Variants in MICU1 observed in about 807,000 individuals in gnomAD.
The protein encoded by MICU1 is calcium uptake protein 1, mitochondrial.
A neutral mutation model predicts 56.8 loss-of-function variants in MICU1; 45 were observed. The observed-to-expected ratio is 0.79, with a 90% CI of 0.62 to 1.02. The LOEUF is 1.02. Among genes scored for constraint, MICU1 ranks in the 50% least tolerant of loss-of-function variants. The pLI is 0.00. For synonymous variants in MICU1, 186 were observed against 195.1 expected, an observed-to-expected ratio of 0.95 and a Z score of 0.39; for missense variants, 504 against 587.1, an observed-to-expected ratio of 0.86 and a Z score of 1.46.
rs554097302 is a variant in MICU1, at chr10:72,438,205, A to G, written c.934-14834T>C. Reference sequence around the variant, plus strand: ...GAAATCACAACAAACTGTCTCTCAGACCACAGTGCAATCAAATTAGAACTC... The same window carrying G: ...GAAATCACAACAAACTGTCTCTCAGGCCACAGTGCAATCAAATTAGAACTC... On this transcript the variant is annotated intron_variant, in intron 8 of 11. Transcript: ENST00000361114. Among the ~76,000 whole-genome samples, 3 of 152,126 alleles carry G rather than the reference A, an allele frequency of 2.0e-5. No individual in the cohort carries two copies. The South Asian group carries it at 6.2e-4, about 31-fold the overall frequency.
intron 9 of MICU1, among the ~76,000 whole-genome samples, chr10:72,415,213 G>A (rs933712226): frequency 6.6e-6 from 1 of 151,870 alleles, no homozygotes; most frequent in Non-Finnish European, 1.5e-5. Context: ...ATGTGCTTTC[G>A]CCATGTTGGC....
At chr10:72,482,949 G>A (rs184059701) in intron 6 of MICU1, among the ~76,000 whole-genome samples, 4 of 151,732 alleles carry the variant, frequency 2.6e-5, no homozygotes, top group African/African-American at 9.7e-5. Context: ...TCCACCTCCC[G>A]TGTTCAAGCG....
intron 5 of MICU1, among the ~76,000 whole-genome samples, chr10:72,524,949 A>T (rs890592246): frequency 6.6e-6 from 1 of 152,184 alleles, no homozygotes; most frequent in African/African-American, 2.4e-5. Context: ...CAAAACAAGG[A>T]TGTCTCATTA....
intron 6 of MICU1, among the ~76,000 whole-genome samples, chr10:72,485,020 C>T (rs773122383): frequency 2.0e-5 from 3 of 152,110 alleles, no homozygotes; most frequent in Non-Finnish European, 4.4e-5. Context: ...GTGACAGAGA[C>T]ATTATCACCC....
intron 10 of MICU1, among the ~76,000 whole-genome samples, chr10:72,387,551 G>A (rs1862930907): frequency 6.6e-6 from 1 of 152,192 alleles, no homozygotes; most frequent in African/African-American, 2.4e-5. Flanking sequence ...ATAGGGGTTA[G>A]ATATTCCTAG....
intron 9 of MICU1, among the ~76,000 whole-genome samples, chr10:72,411,610 T>A (rs911657854): frequency 6.6e-6 from 1 of 152,010 alleles, no homozygotes; most frequent in Non-Finnish European, 1.5e-5. Flanking sequence ...GGATTACAGT[T>A]ACTTTTCTTA....
chr10:72,552,715 C>G (rs1158767980), intron 3 of MICU1, among the ~76,000 whole-genome samples: 1 of 152,064 alleles, frequency 6.6e-6, no homozygotes, highest in African/African-American at 2.4e-5. Flanking sequence ...CCATCACGCC[C>G]GGCTAATGTT....
intron 9 of MICU1, among the ~76,000 whole-genome samples, chr10:72,417,164 A>G (rs1043958390): frequency 4.6e-5 from 7 of 152,172 alleles, no homozygotes; most frequent in African/African-American, 1.7e-4. Flanking sequence ...AGAAATATAT[A>G]TAGTTGTGCT....
intron 1 of MICU1, among the ~76,000 whole-genome samples, chr10:72,570,686 T>A (rs548936494): frequency 5.6e-4 from 86 of 152,332 alleles, no homozygotes; most frequent in African/African-American, 2.0e-3. Context: ...TGCCCTCATA[T>A]AGACAAAATG....
At chr10:72,547,610 C>T (rs551500169) in intron 4 of MICU1, among the ~76,000 whole-genome samples, 97 of 151,528 alleles carry the variant, frequency 6.4e-4, no homozygotes, top group African/African-American at 2.2e-3. Flanking sequence ...CTGATAATTT[C>T]AACATTCACA....
At chr10:72,563,088 G>T in intron 2 of MICU1, 25 bp from the exon 3 acceptor site, 1 of 1,475,312 alleles carries the variant, frequency 6.8e-7, no homozygotes, top group Non-Finnish European at 9.0e-7. Context: ...AAGAAATCTA[G>T]ATTAATCTTG....
intron 11 of MICU1, among the ~76,000 whole-genome samples, chr10:72,373,313 G>T (rs909107365): frequency 1.3e-5 from 2 of 151,732 alleles, no homozygotes; most frequent in South Asian, 2.1e-4. Flanking sequence ...CCAGTAGCTA[G>T]AACTACATGC....
intron 8 of MICU1, among the ~76,000 whole-genome samples, chr10:72,440,320 T>C (rs1354691440): frequency 1.3e-5 from 2 of 152,186 alleles, no homozygotes; most frequent in Non-Finnish European, 2.9e-5. Flanking sequence ...ATTTAATAAA[T>C]GGTGCTGGGA....
chr10:72,615,976 G>A (rs3009532), intron 1 of MICU1, among the ~76,000 whole-genome samples: 70,071 of 151,792 alleles, frequency 0.46, 20,204 homozygotes, highest in Non-Finnish European at 0.67. Flanking sequence ...GCGACAGAGC[G>A]AGACTCCGTC....
At chr10:72,592,555 T>C (rs1477313943) in intron 1 of MICU1, among the ~76,000 whole-genome samples, 1 of 152,122 alleles carries the variant, frequency 6.6e-6, no homozygotes, top group East Asian at 1.9e-4. Flanking sequence ...CCCTTATGAA[T>C]ACTGGTGTAA....
chr10:72,611,378 G>A (rs1248467223), intron 1 of MICU1, among the ~76,000 whole-genome samples: 1 of 151,876 alleles, frequency 6.6e-6, no homozygotes, highest in Non-Finnish European at 1.5e-5. Flanking sequence ...TTGGGAGGCC[G>A]AGGCGGGCGG....
intron 8 of MICU1, among the ~76,000 whole-genome samples, chr10:72,452,197 C>T (rs1865321153): frequency 6.6e-6 from 1 of 152,144 alleles, no homozygotes; most frequent in Admixed American, 6.5e-5. Context: ...TATCCCTTCA[C>T]TACAATTCGA....
At chr10:72,479,828 GT>G (rs759843804) in intron 6 of MICU1, among the ~76,000 whole-genome samples, 31 of 152,164 alleles carry the variant, frequency 2.0e-4, no homozygotes, top group Non-Finnish European at 3.4e-4. Context: ...CACCCGGCTG[GT>G]TTGTCATGTT....
At chr10:72,477,714 C>G in intron 6 of MICU1, 1 of 627,004 alleles carries the variant, frequency 1.6e-6, no homozygotes, top group Non-Finnish European at 2.7e-6. Flanking sequence ...TTTGTTCTTT[C>G]TAGTCTCTTT....
Sources: gnomAD v4.1 joint callset for allele counts (sites outside exome capture counted in the v4.1 genomes callset) on GRCh38, gnomAD v4.1.1 for gene constraint, MANE v1.5 for transcripts, NCBI Gene and HGNC (gene_info 2026-07-23, HGNC 2026-07-21) for gene names.